The following ANKRD55 variants were observed in gnomAD, a reference collection of about 807,000 sequenced individuals.
ANKRD55 encodes the protein ankyrin repeat domain-containing protein 55.
ANKRD55 carries 41 observed loss-of-function variants against 60.6 expected under a neutral mutation model. The ratio of observed to expected loss-of-function variants is 0.68; its 90% CI spans 0.53 to 0.88. ANKRD55 has a LOEUF of 0.88. ANKRD55 is among the 40% of genes least tolerant of loss of function. ANKRD55 has a pLI of 0.00. For missense variants in ANKRD55, 732 were observed against 767.6 expected, an observed-to-expected ratio of 0.95 and a Z score of 0.55; for synonymous variants, 264 against 290.3, an observed-to-expected ratio of 0.91 and a Z score of 0.92.
intron 7 of ANKRD55, among the ~76,000 whole-genome samples, chr5:56,132,190 C>CA (rs1757438447): frequency 6.6e-6 from 1 of 151,686 alleles, no homozygotes; most frequent in Non-Finnish European, 1.5e-5. Context: ...TAGTTGTAAA[C>CA]ATACTTGGTA....
At chr5:56,138,066 C>T (rs114200521) in intron 7 of ANKRD55, among the ~76,000 whole-genome samples, 2,827 of 151,840 alleles carry the variant, frequency 0.019, 47 homozygotes, top group Admixed American at 0.042. Flanking sequence ...CTCTCATTCA[C>T]TGCTGGTGGA....
chr5:56,173,835 C>T (rs558174188), intron 4 of ANKRD55, among the ~76,000 whole-genome samples: 74 of 152,150 alleles, frequency 4.9e-4, no homozygotes, highest in South Asian at 2.1e-3. Flanking sequence ...CGTGAGCCAC[C>T]GTGCCTGGCC....
intron 2 of ANKRD55, among the ~76,000 whole-genome samples, chr5:56,229,093 G>T (rs1391733995): frequency 6.0e-4 from 76 of 126,754 alleles, no homozygotes; most frequent in Non-Finnish European, 8.3e-4. Flanking sequence ...CCCCTCGCCT[G>T]TTTTTTTTTT....
intron 7 of ANKRD55, among the ~76,000 whole-genome samples, chr5:56,139,323 G>A (rs935729567): frequency 1.3e-5 from 2 of 152,154 alleles, no homozygotes; most frequent in African/African-American, 4.8e-5. Flanking sequence ...TCTGGGTGTT[G>A]AGACATTTGG....
chr5:56,159,635 AGCTACACACACCC>A (rs1758276371), intron 6 of ANKRD55, among the ~76,000 whole-genome samples, 185 bp downstream of exon 6: 1 of 152,246 alleles, frequency 6.6e-6, no homozygotes, highest in Admixed American at 6.5e-5. Context: ...CCCTATCAGA[AGCTACACACACCC>A]ATGGTGGGGA....
intron 2 of ANKRD55, among the ~76,000 whole-genome samples, chr5:56,189,217 A>G (rs1291397781): frequency 6.6e-6 from 1 of 151,630 alleles, no homozygotes; most frequent in Non-Finnish European, 1.5e-5. Flanking sequence ...AGGCTGAGGC[A>G]GGAGAATGGT....
intron 2 of ANKRD55, among the ~76,000 whole-genome samples, chr5:56,186,744 C>G (rs963637532): frequency 1.3e-5 from 2 of 152,080 alleles, no homozygotes; most frequent in African/African-American, 2.4e-5. Context: ...ACATTAGTCC[C>G]CATTAGGAAC....
At chr5:56,211,245 A>G (rs1759665612) in intron 2 of ANKRD55, among the ~76,000 whole-genome samples, 1 of 152,212 alleles carries the variant, frequency 6.6e-6, no homozygotes, top group African/African-American at 2.4e-5. Flanking sequence ...TCTCTATAAG[A>G]GCACCCGCTG....
intron 10 of ANKRD55, among the ~76,000 whole-genome samples, chr5:56,105,082 A>G (rs1352653825): frequency 6.9e-6 from 1 of 145,004 alleles, no homozygotes; most frequent in Non-Finnish European, 1.5e-5. Flanking sequence ...AGGTGGAGCT[A>G]TTCTTTTTTT....
chr5:56,175,217 G>C (rs1266314058), intron 4 of ANKRD55, among the ~76,000 whole-genome samples: 1 of 152,218 alleles, frequency 6.6e-6, no homozygotes, highest in Non-Finnish European at 1.5e-5. Context: ...TGGCAGAAAG[G>C]GGTGGTGTTT....
chr5:56,226,089 A>C (rs546181787), intron 2 of ANKRD55, among the ~76,000 whole-genome samples: 1 of 152,226 alleles, frequency 6.6e-6, no homozygotes, highest in Non-Finnish European at 1.5e-5. Flanking sequence ...CTATACTACA[A>C]GGCTACGGTA....
intron 2 of ANKRD55, among the ~76,000 whole-genome samples, chr5:56,214,207 T>A (rs1759747796): frequency 6.6e-6 from 1 of 152,158 alleles, no homozygotes; most frequent in African/African-American, 2.4e-5. Flanking sequence ...AAAGTGAGAT[T>A]TGGGTGGGGG....
At chr5:56,168,704 T>C (rs183503817) in intron 5 of ANKRD55, among the ~76,000 whole-genome samples, 17 of 152,282 alleles carry the variant, frequency 1.1e-4, no homozygotes, top group Non-Finnish European at 2.4e-4. Context: ...GAGACTACTG[T>C]TCTCCTCTTT....
At chr5:56,115,949 G>C (rs1182218195) in intron 9 of ANKRD55, among the ~76,000 whole-genome samples, 5 of 151,956 alleles carry the variant, frequency 3.3e-5, no homozygotes, top group Admixed American at 3.3e-4. Flanking sequence ...CCATCGCCCA[G>C]GTTCAAGCTA....
intron 7 of ANKRD55, among the ~76,000 whole-genome samples, chr5:56,142,381 C>T (rs1757795589): frequency 6.6e-6 from 1 of 152,032 alleles, no homozygotes; most frequent in Non-Finnish European, 1.5e-5. Context: ...CCAGCGATTC[C>T]ACCCTGTGAG....
chr5:56,202,645 C>T (rs75809037), intron 2 of ANKRD55, among the ~76,000 whole-genome samples: 2 of 152,152 alleles, frequency 1.3e-5, no homozygotes, highest in African/African-American at 2.4e-5. Context: ...ACCTTCATAC[C>T]GTGGGAGTGG....
rs561391224 is a variant in ANKRD55 at position 56,226,731 on chromosome 5, GA to G, written c.58+6124del. Among the ~76,000 whole-genome samples the G allele has an allele frequency of 9.3e-4, 141 of 152,306 alleles. 3 individuals are homozygous for G. In the Middle Eastern group the frequency reaches 0.027, roughly 29 times the overall value. ...ACATTTATGCAGCCAACAGACACATGAAAAAATGCTCATCATCACTGGCCAT... is the reference window on the plus strand; with the variant it reads ...ACATTTATGCAGCCAACAGACACATGAAAAATGCTCATCATCACTGGCCAT... On this transcript the variant is annotated intron_variant, in intron 2 of 11. Transcript: ENST00000341048.
At chr5:56,148,654 A>T (rs1362927421) in intron 6 of ANKRD55, among the ~76,000 whole-genome samples, 4 of 147,782 alleles carry the variant, frequency 2.7e-5, no homozygotes, top group African/African-American at 2.5e-5. Flanking sequence ...TTCTCAGAAC[A>T]TTTTTTTTTT....
chr5:56,230,992 T>A (rs149506731), intron 2 of ANKRD55, among the ~76,000 whole-genome samples: 3 of 152,302 alleles, frequency 2.0e-5, no homozygotes, highest in Admixed American at 1.3e-4. Flanking sequence ...TTATTTTAGA[T>A]CCTCACAACA....
Sources: gnomAD v4.1 joint callset for allele counts (sites outside exome capture counted in the v4.1 genomes callset) on GRCh38, gnomAD v4.1.1 for gene constraint, MANE v1.5 for transcripts, NCBI Gene and HGNC (gene_info 2026-07-23, HGNC 2026-07-21) for gene names.